The following CUTC variants were observed in gnomAD, a reference collection of about 807,000 sequenced individuals.
CUTC encodes copper homeostasis protein cutC homolog.
CUTC carries 27 observed loss-of-function variants against 36.2 expected under a neutral mutation model. The observed-to-expected ratio is 0.75, with a 90% CI of 0.55 to 1.03. The LOEUF (loss-of-function observed/expected upper bound fraction) is 1.03. CUTC is among the 50% of genes least tolerant of loss of function. The probability of loss-of-function intolerance (pLI) is 0.00; values close to 1 mark genes in which losing one functional copy is unlikely to be tolerated. For missense variants in CUTC, 315 were observed against 343.5 expected, an observed-to-expected ratio of 0.92 and a Z score of 0.66; for synonymous variants, 114 against 118.3, an observed-to-expected ratio of 0.96 and a Z score of 0.24.
At chr10:99,750,535 T>G (rs557705133) in intron 7 of CUTC, 139 bp downstream of exon 7, 1 of 530,922 alleles carries the variant, frequency 1.9e-6, no homozygotes, top group African/African-American at 2.0e-5. Flanking sequence ...ATATATAGTT[T>G]GATTAAAATG....
chr10:99,754,727 C>T, intron 8 of CUTC, 93 bp downstream of exon 8: 1 of 824,372 alleles, frequency 1.2e-6, no homozygotes, highest in East Asian at 2.5e-5. Context: ...CATGATTAAT[C>T]AATGGAATAT....
intron 1 of CUTC, among the ~76,000 whole-genome samples, chr10:99,734,810 C>G (rs1329376622): frequency 6.6e-6 from 1 of 151,908 alleles, no homozygotes; most frequent in Non-Finnish European, 1.5e-5. Context: ...ACATAAAGAC[C>G]TTACTTAGGA....
chr10:99,739,614 A>C, intron 2 of CUTC, 96 bp from the exon 3 acceptor site: 2 of 1,088,780 alleles, frequency 1.8e-6, no homozygotes, highest in East Asian at 2.5e-5. Flanking sequence ...GATTTCTAAG[A>C]CTGTTCTATA....
In CUTC at chr10:99,754,580, C is replaced by G; in HGVS notation, c.653C>G (p.Ala218Gly). 6.2e-7 allele frequency: 1 copy of G among 1,613,858 alleles called. No homozygotes were observed. The highest frequency in any genetic ancestry group is 8.5e-7 in the Non-Finnish European group (1 of 1,179,840). ...CAAAGGATCCTTGAGGGTTCAGGTG[C>G]TACAGAATTCCACTGTTCTGCTCGG... is the stretch of plus-strand genomic sequence containing the variant. Reference protein sequence around the residue: ...NLQRILEGSGATEFHCSARST... With the variant: ...NLQRILEGSGGTEFHCSARST... The change falls in exon 8 of 9, where the codon GCT becomes GGT. Residue 218 changes from alanine (A) to glycine (G), a missense_variant. Coordinates refer to ENST00000370476, the MANE Select transcript of CUTC (RefSeq NM_015960.3).
intron 8 of CUTC, among the ~76,000 whole-genome samples, chr10:99,755,380 G>A (rs202210563): frequency 2.9e-3 from 357 of 121,724 alleles, no homozygotes; most frequent in Non-Finnish European, 3.4e-3. Flanking sequence ...ATTTAAAAAG[G>A]AAAAAAAAAA....
At chr10:99,737,229 C>A (rs1364763011) in intron 2 of CUTC, among the ~76,000 whole-genome samples, 1 of 150,842 alleles carries the variant, frequency 6.6e-6, no homozygotes, top group African/African-American at 2.4e-5. Flanking sequence ...AGTCACACCA[C>A]TGCACTCTAG....
At position 99,749,614 on chromosome 10, in the gene CUTC, T is replaced by TAG. The variant is rs1247401803; in HGVS notation, c.574-755_574-754insAG. ...ATGACTTTTTTCCATTCTGAAGTGA[T>TAG]TTCAGCTTTTTAGATAGTCAATGTT... is the stretch of plus-strand genomic sequence containing the variant. On this transcript the variant is annotated intron_variant, in intron 6 of 8. Coordinates refer to ENST00000370476, the MANE Select transcript of CUTC (RefSeq NM_015960.3). Among the ~76,000 whole-genome samples the TAG allele has an allele frequency of 5.3e-5, 8 of 152,138 alleles. No individual in the cohort carries two copies. In the East Asian group the frequency reaches 1.3e-3, roughly 26 times the overall value.
chr10:99,733,164 C>T (rs56406011), intron 1 of CUTC, among the ~76,000 whole-genome samples: 2 of 152,184 alleles, frequency 1.3e-5, no homozygotes, highest in African/African-American at 2.4e-5. Flanking sequence ...CAAAAATTAG[C>T]TGGGCATGGT....
chr10:99,743,086 A>G, intron 3 of CUTC, 67 bp from the exon 4 acceptor site: 1 of 1,481,580 alleles, frequency 6.7e-7, no homozygotes, highest in Non-Finnish European at 9.4e-7. Flanking sequence ...TGTCTGGTAA[A>G]TGACCAATAA....
At chr10:99,732,536 A>C in intron 1 of CUTC, 127 bp downstream of exon 1, 1 of 1,481,696 alleles carries the variant, frequency 6.7e-7, no homozygotes, top group Non-Finnish European at 8.9e-7. Flanking sequence ...CTTGGGCGGC[A>C]CCTTCTATCT....
Position 99,732,243 on chromosome 10 carries a change from GC to G in CUTC, c.-105del. ...CTGCTGGGGCGTAGGTGTCGGGGAC[GC>G]GCGCACGGGCGCGCGCAGCTGTTGA... On this transcript the variant is annotated 5_prime_UTR_variant, in exon 1 of 9. Transcript: ENST00000370476. The G allele has an allele frequency of 6.6e-7, 1 of 1,523,594 alleles. No homozygotes were observed. Among genetic ancestry groups the G allele is most frequent in the Non-Finnish European group, 8.8e-7 (1 of 1,135,102 alleles). The allele number at this position is 1,523,594 out of a possible 1,614,324, so 94.4% of individuals were successfully genotyped here.
chr10:99,750,135 TG>T (rs932758035), intron 6 of CUTC, among the ~76,000 whole-genome samples: 1 of 151,926 alleles, frequency 6.6e-6, no homozygotes, highest in African/African-American at 2.4e-5. Context: ...TGGCACTTAT[TG>T]GGGGGGAAAA....
intron 3 of CUTC, among the ~76,000 whole-genome samples, chr10:99,740,903 T>C (rs935606719): frequency 2.6e-5 from 4 of 152,212 alleles, no homozygotes; most frequent in Non-Finnish European, 4.4e-5. Flanking sequence ...ATCTCATACA[T>C]TGTAGTCTTC....
rs1191623377 is a variant in CUTC, at chr10:99,743,164, G to C, written c.205G>C (p.Val69Leu). Residue 69 changes from valine to leucine, a missense_variant, in exon 4 of 9, where the codon GTA (valine) becomes CTA (leucine). Transcript: ENST00000370476. ...GTTPSMGVLQ[V>L]VKQSVQIPVF... ...TTCTTTTCTTGTAGGTGTCCTTCAA[G>C]TAGTGAAGCAGAGTGTTCAGATCCC... The C allele has an allele frequency of 6.2e-7, 1 of 1,614,038 alleles. No individual in the cohort carries two copies. The highest frequency in any genetic ancestry group is 1.7e-5 in the Admixed American group (1 of 60,020).
rs185638093 is a variant in CUTC, at chr10:99,751,392, A to G, written c.601+996A>G. Among the ~76,000 whole-genome samples, 426 of 152,286 alleles carry G rather than the reference A, an allele frequency of 2.8e-3. 2 individuals are homozygous for G. The highest frequency in any genetic ancestry group is 5.1e-3 in the Non-Finnish European group (347 of 68,024). ...TTGTTTTTAGAGATGAGGTCTTGCT[A>G]TATTGGCCAGGCTGGACTTGAACTC... On this transcript the variant is annotated intron_variant, in intron 7 of 8. Coordinates refer to ENST00000370476, the MANE Select transcript of CUTC (RefSeq NM_015960.3).
chr10:99,732,726 C>A, intron 1 of CUTC: 1 of 583,848 alleles, frequency 1.7e-6, no homozygotes. Flanking sequence ...GCCAGTACCG[C>A]CCGCACCAGC....
At chr10:99,745,339 C>T (rs2037370828) in intron 5 of CUTC, among the ~76,000 whole-genome samples, 1 of 152,090 alleles carries the variant, frequency 6.6e-6, no homozygotes. Flanking sequence ...AAGGTGCTGC[C>T]ACCAAAATAG....
chr10:99,751,034 C>G (rs1361120354), intron 7 of CUTC, among the ~76,000 whole-genome samples: 1 of 152,076 alleles, frequency 6.6e-6, no homozygotes, highest in Non-Finnish European at 1.5e-5. Flanking sequence ...TTAAGTTTCT[C>G]AAACATATAA....
At chr10:99,737,454 G>A (rs1453698450) in intron 2 of CUTC, among the ~76,000 whole-genome samples, 1 of 152,072 alleles carries the variant, frequency 6.6e-6, no homozygotes, top group African/African-American at 2.4e-5. Flanking sequence ...TAGACAGAAA[G>A]TAGATTAATA....
Sources: gnomAD v4.1 joint callset for allele counts (sites outside exome capture counted in the v4.1 genomes callset) on GRCh38, gnomAD v4.1.1 for gene constraint, MANE v1.5 for transcripts, NCBI Gene and HGNC (gene_info 2026-07-23, HGNC 2026-07-21) for gene names.